EPB41L2: variants seen among roughly 807,000 people sequenced by gnomAD.
EPB41L2 encodes erythrocyte membrane protein band 4.1 like 2.
A neutral mutation model predicts 113.0 loss-of-function variants in EPB41L2; 43 were observed. The ratio of observed to expected loss-of-function variants is 0.38; its 90% CI spans 0.30 to 0.49. The LOEUF (loss-of-function observed/expected upper bound fraction) is 0.49. EPB41L2 is among the 20% of genes least tolerant of loss of function. The pLI, the probability that EPB41L2 is intolerant of heterozygous loss-of-function variation, is 0.95. For missense variants in EPB41L2, 1,147 were observed against 1,223.4 expected, an observed-to-expected ratio of 0.94 and a Z score of 0.93; for synonymous variants, 442 against 436.7, an observed-to-expected ratio of 1.01 and a Z score of -0.15.
intron 12 of EPB41L2, chr6:130,882,492 C>G (rs947713511): frequency 6.6e-6 from 1 of 152,662 alleles, no homozygotes; most frequent in Non-Finnish European, 1.5e-5. Context: ...GTTGACTCCA[C>G]AAACTGAGCT....
intron 1 of EPB41L2, among the ~76,000 whole-genome samples, chr6:131,035,279 G>A (rs1167587309): frequency 1.3e-5 from 2 of 152,184 alleles, no homozygotes; most frequent in Non-Finnish European, 2.9e-5. Flanking sequence ...AACTCTTACA[G>A]GTGAATCAAT....
At chr6:130,886,004 C>A (rs1028397176) in intron 11 of EPB41L2, among the ~76,000 whole-genome samples, 1 of 152,138 alleles carries the variant, frequency 6.6e-6, no homozygotes, top group Non-Finnish European at 1.5e-5. Context: ...ACCAAGACTA[C>A]CTCAAACATC....
At chr6:130,914,290 A>AT (rs1583395072) in intron 4 of EPB41L2, among the ~76,000 whole-genome samples, 1 of 152,360 alleles carries the variant, frequency 6.6e-6, no homozygotes, top group Admixed American at 6.5e-5. Context: ...TTTGGTATAT[A>AT]TATCTTCTTC....
chr6:130,863,337 T>A (rs1449031145), intron 18 of EPB41L2, among the ~76,000 whole-genome samples: 2 of 152,240 alleles, frequency 1.3e-5, no homozygotes, highest in African/African-American at 4.8e-5. Flanking sequence ...TTTTAAATAT[T>A]TGATCACTTG....
chr6:130,994,800 G>T (rs60215702), intron 1 of EPB41L2, among the ~76,000 whole-genome samples: 3 of 152,194 alleles, frequency 2.0e-5, no homozygotes, highest in East Asian at 1.9e-4. Flanking sequence ...CCTGACTCCC[G>T]TTCTTTTTAA....
At chr6:130,903,988 T>A (rs1445451349) in intron 6 of EPB41L2, among the ~76,000 whole-genome samples, 2 of 152,192 alleles carry the variant, frequency 1.3e-5, no homozygotes, top group Non-Finnish European at 1.5e-5. Flanking sequence ...CTATTGACTC[T>A]ACATAAGAAA....
chr6:131,022,622 T>C (rs1200192440), intron 1 of EPB41L2, among the ~76,000 whole-genome samples: 1 of 152,206 alleles, frequency 6.6e-6, no homozygotes, highest in African/African-American at 2.4e-5. Context: ...ATAGCACCTA[T>C]GTCAAAATTA....
In EPB41L2 at chr6:131,054,452, G is replaced by A. The variant is rs543135215; in HGVS notation, c.-15+8703C>T. On this transcript the variant is annotated intron_variant, in intron 1 of 19. Coordinates refer to ENST00000337057, the MANE Select transcript of EPB41L2 (RefSeq NM_001431.4). ...CCTGTCTGTCCCTGTCTGTCTCTAC[G>A]GTCCCTGTTAGTTCCTCCAAGTTGG... Among the ~76,000 whole-genome samples, 9 of 152,154 alleles carry A rather than the reference G, an allele frequency of 5.9e-5. No homozygotes were observed. In the East Asian group the frequency reaches 7.7e-4, roughly 13 times the overall value.
chr6:130,841,261 G>A (rs367553575), intron 19 of EPB41L2, among the ~76,000 whole-genome samples: 159 of 151,132 alleles, frequency 1.1e-3, no homozygotes, highest in African/African-American at 3.6e-3. Context: ...ACATTTGGAC[G>A]AAAAGACCAG....
intron 3 of EPB41L2, among the ~76,000 whole-genome samples, chr6:130,949,682 T>C (rs1483278851): frequency 6.6e-6 from 1 of 151,874 alleles, no homozygotes; most frequent in Non-Finnish European, 1.5e-5. Flanking sequence ...TGAATGGTAA[T>C]GAAAGCACTA....
chr6:130,930,314 G>C (rs1217094320), intron 3 of EPB41L2, among the ~76,000 whole-genome samples: 1 of 152,126 alleles, frequency 6.6e-6, no homozygotes, highest in Non-Finnish European at 1.5e-5. Flanking sequence ...AAATGAGGTA[G>C]GAAAGAATTA....
chr6:130,936,591 T>TA (rs1808878048), intron 3 of EPB41L2, among the ~76,000 whole-genome samples: 1 of 128,512 alleles, frequency 7.8e-6, no homozygotes. Flanking sequence ...CAAATAGTGA[T>TA]AAAATACAAG....
chr6:130,964,192 T>C (rs1249417970), intron 1 of EPB41L2, among the ~76,000 whole-genome samples: 2 of 152,088 alleles, frequency 1.3e-5, no homozygotes, highest in Non-Finnish European at 2.9e-5. Flanking sequence ...CGGCTAATTT[T>C]TGTATTTTTA....
intron 1 of EPB41L2, among the ~76,000 whole-genome samples, chr6:131,057,527 G>A (rs1797826735): frequency 6.6e-6 from 1 of 152,176 alleles, no homozygotes; most frequent in African/African-American, 2.4e-5. Context: ...TAGAATGTAG[G>A]AAACTCTGAA....
intron 1 of EPB41L2, among the ~76,000 whole-genome samples, chr6:131,003,372 T>C (rs1784776928): frequency 6.6e-6 from 1 of 152,214 alleles, no homozygotes; most frequent in Non-Finnish European, 1.5e-5. Flanking sequence ...CTATTTCCAA[T>C]TGTAGTCAAT....
intron 14 of EPB41L2, chr6:130,876,822 T>C (rs947875893): frequency 1.7e-6 from 2 of 1,173,888 alleles, no homozygotes; most frequent in Non-Finnish European, 2.3e-6. Context: ...GACACATACA[T>C]TACACCTATA....
rs1487021920 is a variant in EPB41L2 at position 131,013,713 on chromosome 6, G to A, written c.-15+49442C>T. On this transcript the variant is annotated intron_variant, in intron 1 of 19. Coordinates refer to ENST00000337057, the MANE Select transcript of EPB41L2 (RefSeq NM_001431.4). The stretch of plus-strand genomic sequence containing the variant: ...CCCACAAAAATGTAGTCAATTTCTA[G>A]GCAAGCCCATATCTCAAGGCTACTT... The A allele has an allele frequency of 2.6e-5, 4 of 152,208 alleles. No individual in the cohort carries two copies. In the East Asian group the frequency reaches 7.7e-4, roughly 29 times the overall value. 9.4% of individuals were successfully genotyped at this position (152,208 alleles called of 1,614,324 possible).
At chr6:131,031,748 AAT>A (rs1299387523) in intron 1 of EPB41L2, among the ~76,000 whole-genome samples, 1 of 152,210 alleles carries the variant, frequency 6.6e-6, no homozygotes, top group Non-Finnish European at 1.5e-5. Context: ...AAGCTCTGAT[AAT>A]ATATGTTTTC....
Position 130,942,776 on chromosome 6 carries a change from G to T in EPB41L2, c.705+12329C>A, listed in dbSNP as rs568292724. 7.9e-5 allele frequency among the ~76,000 whole-genome samples: 12 copies of T among 152,112 alleles called. No individual in the cohort carries two copies. The East Asian group carries it at 2.3e-3, about 29-fold the overall frequency. ...TAGCTTCCACCACCTGACAGGCCCTGGTGTGTGATGTTCCCCTCTCTGTGT... is the reference window on the plus strand; with the variant it reads ...TAGCTTCCACCACCTGACAGGCCCTTGTGTGTGATGTTCCCCTCTCTGTGT... On this transcript the variant is annotated intron_variant, in intron 3 of 19. Transcript: ENST00000337057.
Sources: allele counts gnomAD v4.1 joint callset (sites outside exome capture counted in the v4.1 genomes callset), GRCh38; gene constraint gnomAD v4.1.1; transcripts MANE v1.5; gene names NCBI Gene and HGNC (gene_info 2026-07-23, HGNC 2026-07-21).